RBMS1: variants seen among roughly 807,000 people sequenced by gnomAD.
RBMS1 encodes the protein RNA-binding motif, single-stranded-interacting protein 1.
Under a neutral mutation model 62.3 loss-of-function variants are expected in RBMS1, and 17 were observed. That is an observed-to-expected ratio of 0.27 (90% CI 0.19 to 0.41). RBMS1 has a LOEUF of 0.41. Ranked by LOEUF, RBMS1 falls within the 10% of genes least tolerant of loss-of-function variation. The pLI is 1.00. For missense variants in RBMS1, 334 were observed against 504.5 expected (o/e 0.66, Z 3.24); for synonymous variants, 172 against 170.0 (o/e 1.01, Z -0.09).
chr2:160,373,466 T>C (rs1172983510), intron 1 of RBMS1, among the ~76,000 whole-genome samples: 1 of 152,228 alleles, frequency 6.6e-6, no homozygotes, highest in East Asian at 1.9e-4. Context: ...GTTGGTTCTG[T>C]GCTCCTGAAT....
intron 1 of RBMS1, among the ~76,000 whole-genome samples, chr2:160,444,872 G>A (rs1349391579): frequency 6.6e-6 from 1 of 152,182 alleles, no homozygotes; most frequent in African/African-American, 2.4e-5. Context: ...CCCTTGGCAA[G>A]CCAGGAAGAG....
chr2:160,493,328 C>T lies in RBMS1; in HGVS notation c.36G>A (p.Gln12=). Residue 12 remains glutamine (Q), a synonymous_variant, in exon 1 of 14, where the codon CAG becomes CAA. Coordinates refer to ENST00000348849, the MANE Select transcript of RBMS1 (RefSeq NM_016836.4). ...GKVWKQQMYP[Q]YATYYYPQYL... is the part of the protein sequence containing the mutation. The stretch of plus-strand genomic sequence containing the variant: ...ACTGGGGGTAATAGTAGGTGGCGTA[C>T]TGAGGGTACATCTGCTGTTTCCACA... The T allele has an allele frequency of 6.2e-7, 1 of 1,613,520 alleles. No homozygotes were observed.
At chr2:160,413,760 T>C (rs1696114334) in intron 1 of RBMS1, among the ~76,000 whole-genome samples, 1 of 152,172 alleles carries the variant, frequency 6.6e-6, no homozygotes, top group Non-Finnish European at 1.5e-5. Context: ...ACTAACTATA[T>C]TCCAGGCACT....
chr2:160,486,617 A>C (rs1186420830), intron 1 of RBMS1, among the ~76,000 whole-genome samples: 3 of 152,238 alleles, frequency 2.0e-5, no homozygotes, highest in African/African-American at 7.2e-5. Context: ...AGTAGAGGAC[A>C]ACAGGACTCC....
intron 1 of RBMS1, among the ~76,000 whole-genome samples, chr2:160,464,602 A>T (rs377495202): frequency 2.0e-5 from 3 of 152,228 alleles, no homozygotes; most frequent in African/African-American, 7.2e-5. Context: ...TAACACTATC[A>T]GGTGGTTATA....
chr2:160,324,882 GTATA>G (rs201492090), intron 2 of RBMS1, among the ~76,000 whole-genome samples: 3,642 of 99,922 alleles, frequency 0.036, 134 homozygotes, highest in East Asian at 0.18. Context: ...GTGTGTGTGT[GTATA>G]TATATATATA....
At chr2:160,410,675 A>G (rs1050449051) in intron 1 of RBMS1, among the ~76,000 whole-genome samples, 1 of 152,260 alleles carries the variant, frequency 6.6e-6, no homozygotes. Context: ...GAAAGTAAGA[A>G]AACAGTCCAG....
At chr2:160,481,430 T>A (rs545950039) in intron 1 of RBMS1, among the ~76,000 whole-genome samples, 43 of 150,930 alleles carry the variant, frequency 2.8e-4, no homozygotes, top group African/African-American at 9.9e-4. Context: ...AAAGCAATTA[T>A]CATAAAAGAT....
At chr2:160,420,624 G>C (rs1034499016) in intron 1 of RBMS1, among the ~76,000 whole-genome samples, 11 of 151,272 alleles carry the variant, frequency 7.3e-5, no homozygotes, top group African/African-American at 2.4e-4. Context: ...TCAGTCAGTA[G>C]TTCTCGGCCT....
chr2:160,353,770 A>G (rs754155991), intron 2 of RBMS1, among the ~76,000 whole-genome samples: 2 of 152,034 alleles, frequency 1.3e-5, no homozygotes, highest in Non-Finnish European at 2.9e-5. Flanking sequence ...CAGCTTTTTC[A>G]GTTATAACAT....
chr2:160,353,646 G>A (rs921867875), intron 2 of RBMS1, among the ~76,000 whole-genome samples: 1 of 152,106 alleles, frequency 6.6e-6, no homozygotes, highest in Non-Finnish European at 1.5e-5. Flanking sequence ...CTTGTGAAAA[G>A]TAAAGTGGCA....
intron 1 of RBMS1, among the ~76,000 whole-genome samples, chr2:160,367,858 C>A (rs1245865632): frequency 6.6e-6 from 1 of 152,190 alleles, no homozygotes; most frequent in African/African-American, 2.4e-5. Flanking sequence ...AGAGTTTAAT[C>A]CAGATACTCC....
intron 6 of RBMS1, among the ~76,000 whole-genome samples, chr2:160,289,050 C>T (rs986741347): frequency 1.3e-5 from 2 of 152,156 alleles, no homozygotes; most frequent in South Asian, 2.1e-4. Flanking sequence ...GACCAAGTGT[C>T]CCCATCTGTG....
intron 1 of RBMS1, among the ~76,000 whole-genome samples, chr2:160,436,998 C>T (rs1364309874): frequency 6.6e-6 from 1 of 152,148 alleles, no homozygotes; most frequent in Admixed American, 6.5e-5. Context: ...CCAGACGAAC[C>T]TGGGGAGCAT....
chr2:160,493,207 G>T, intron 1 of RBMS1, 82 bp downstream of exon 1: 1 of 1,342,286 alleles, frequency 7.4e-7, no homozygotes, highest in Non-Finnish European at 1.0e-6. Context: ...GGTTCGCCGC[G>T]CGCCCCCCTC....
intron 2 of RBMS1, among the ~76,000 whole-genome samples, chr2:160,336,391 C>T (rs112899340): frequency 1.1e-4 from 17 of 152,106 alleles, no homozygotes; most frequent in Admixed American, 4.6e-4. Flanking sequence ...TGTTTTTTAG[C>T]GGGGAGACAA....
chr2:160,459,297 T>C (rs1684370584), intron 1 of RBMS1, among the ~76,000 whole-genome samples: 1 of 152,220 alleles, frequency 6.6e-6, no homozygotes. Context: ...TTTAATTTCA[T>C]GTTAGAAAAA....
At chr2:160,405,362 T>C (rs776851730) in intron 1 of RBMS1, among the ~76,000 whole-genome samples, 20 of 152,312 alleles carry the variant, frequency 1.3e-4, no homozygotes, top group Middle Eastern at 3.4e-3. Flanking sequence ...TGCCAATTCT[T>C]TCATCAAAAT....
At chr2:160,435,278 A>G (rs1683065210) in intron 1 of RBMS1, among the ~76,000 whole-genome samples, 1 of 152,168 alleles carries the variant, frequency 6.6e-6, no homozygotes, top group Non-Finnish European at 1.5e-5. Flanking sequence ...TATACCAACA[A>G]TTTTTTAATC....
Sources: allele counts gnomAD v4.1 joint callset (sites outside exome capture counted in the v4.1 genomes callset), GRCh38; gene constraint gnomAD v4.1.1; transcripts MANE v1.5; gene names NCBI Gene and HGNC (gene_info 2026-07-23, HGNC 2026-07-21).